LARGE1: variants seen among roughly 807,000 people sequenced by gnomAD.
LARGE1 encodes the protein LARGE xylosyl- and glucuronyltransferase 1.
In LARGE1, 43 loss-of-function variants were observed where a neutral mutation model predicts 87.6. The ratio of observed to expected loss-of-function variants is 0.49; its 90% CI spans 0.38 to 0.63. The LOEUF (loss-of-function observed/expected upper bound fraction) is 0.63. Among genes scored for constraint, LARGE1 ranks in the 30% least tolerant of loss-of-function variants. The probability of loss-of-function intolerance (pLI) is 0.00; values close to 1 mark genes in which losing one functional copy is unlikely to be tolerated. For missense variants in LARGE1, 802 were observed against 1,000.2 expected (o/e 0.80, Z 2.67); for synonymous variants, 434 against 394.6 (o/e 1.10, Z -1.18).
intron 1 of LARGE1, among the ~76,000 whole-genome samples, chr22:33,808,503 G>A (rs968316831): frequency 1.3e-5 from 2 of 152,182 alleles, no homozygotes; most frequent in Non-Finnish European, 1.5e-5. Flanking sequence ...GGGAAATCCA[G>A]ATAGTAAGTC....
chr22:33,547,527 G>A (rs2077395503), intron 6 of LARGE1, among the ~76,000 whole-genome samples: 1 of 152,084 alleles, frequency 6.6e-6, no homozygotes, highest in African/African-American at 2.4e-5. Context: ...ACGTTCTCAT[G>A]GCTCACGCCT....
intron 4 of LARGE1, among the ~76,000 whole-genome samples, chr22:33,607,211 T>C (rs1399177501): frequency 6.6e-6 from 1 of 152,074 alleles, no homozygotes; most frequent in Middle Eastern, 3.2e-3. Flanking sequence ...CCCGTAATCC[T>C]AGCACTTTGG....
Position 33,848,112 on chromosome 22 carries a change from A to G in LARGE1, c.-83+71883T>C, listed in dbSNP as rs1220591907. ...TTAATAGTTCCATGAAAGAAGCCAG[A>G]GACGTGAGCAATCAAAACTAAATCA... is the stretch of plus-strand genomic sequence containing the variant. On this transcript the variant is annotated intron_variant, in intron 1 of 14. Coordinates refer to ENST00000397394, the MANE Select transcript of LARGE1 (RefSeq NM_133642.5). Among the ~76,000 whole-genome samples, 4 of 152,374 alleles carry G rather than the reference A, an allele frequency of 2.6e-5. No homozygotes were observed. In the East Asian group the frequency reaches 5.8e-4, roughly 22 times the overall value.
intron 5 of LARGE1, among the ~76,000 whole-genome samples, chr22:33,589,825 A>ATT (rs781714505): frequency 3.3e-5 from 5 of 152,188 alleles, no homozygotes; most frequent in Non-Finnish European, 5.9e-5. Context: ...TTTGGATTAA[A>ATT]TAGCATTTAG....
chr22:33,643,483 A>G (rs1303910413), intron 3 of LARGE1, among the ~76,000 whole-genome samples: 1 of 152,246 alleles, frequency 6.6e-6, no homozygotes, highest in Non-Finnish European at 1.5e-5. Context: ...CTAGAGAAGC[A>G]AGAGCAAACA....
chr22:33,311,386 G>A (rs1482076585), intron 11 of LARGE1, among the ~76,000 whole-genome samples: 6 of 152,196 alleles, frequency 3.9e-5, no homozygotes, highest in Non-Finnish European at 7.3e-5. Context: ...ACAGAAGGAT[G>A]GGTTTGAGCT....
the LARGE1 span, among the ~76,000 whole-genome samples, chr22:33,080,639 T>G: frequency 6.6e-6 from 1 of 152,208 alleles, no homozygotes; most frequent in African/African-American, 2.4e-5. Flanking sequence ...TGAACAGCTC[T>G]AATGACTAAT....
intron 1 of LARGE1, among the ~76,000 whole-genome samples, chr22:33,807,014 A>G (rs2086333564): frequency 6.6e-6 from 1 of 152,118 alleles, no homozygotes; most frequent in Non-Finnish European, 1.5e-5. Flanking sequence ...GTCTCAAAAA[A>G]AAAAATCCTC....
At chr22:33,416,218 A>G (rs1363097102) in intron 7 of LARGE1, among the ~76,000 whole-genome samples, 1 of 152,136 alleles carries the variant, frequency 6.6e-6, no homozygotes, top group African/African-American at 2.4e-5. Flanking sequence ...CTCCTCCTAC[A>G]TTGGGCACAT....
chr22:33,150,606 T>C, the LARGE1 span, among the ~76,000 whole-genome samples: 1 of 152,246 alleles, frequency 6.6e-6, no homozygotes, highest in Non-Finnish European at 1.5e-5. Context: ...AGATCTATCA[T>C]TCATTTTTAG....
intron 1 of LARGE1, among the ~76,000 whole-genome samples, chr22:33,803,288 T>A (rs74557132): frequency 0.018 from 2,789 of 152,228 alleles, 75 homozygotes; most frequent in African/African-American, 0.063. Context: ...AGACTTCATC[T>A]CTGTAGCTTC....
chr22:33,564,424 A>G (rs1476288908), intron 6 of LARGE1, among the ~76,000 whole-genome samples: 2 of 152,202 alleles, frequency 1.3e-5, no homozygotes, highest in Admixed American at 6.5e-5. Context: ...ATGATAAACC[A>G]CAACGTTAAT....
chr22:33,712,637 AGTGTGTGTGTGTGTGTGTGTGT>A (rs34754283), intron 2 of LARGE1, among the ~76,000 whole-genome samples: 12 of 134,736 alleles, frequency 8.9e-5, no homozygotes, highest in South Asian at 2.6e-4. Flanking sequence ...TGAGGGGTAC[AGTGTGTGTGTGTGTGTGTGTGT>A]GTGTGTGTGT....
rs746759368 is a variant in LARGE1, at chr22:33,283,190, A to G, written c.1877+12T>C. ...CGAGCACCCCCAGAGTACAGCAGCT[A>G]GAGCCACTCACCTGAATGTGAAGAG... On this transcript the variant is annotated intron_variant, in intron 13 of 14. Transcript: ENST00000397394. The G allele has an allele frequency of 2.5e-6, 4 of 1,614,082 alleles. No homozygotes were observed. Among genetic ancestry groups the G allele is most frequent in the Non-Finnish European group, 2.5e-6 (3 of 1,180,034 alleles).
chr22:33,496,336 T>C (rs1319323366), intron 6 of LARGE1, among the ~76,000 whole-genome samples: 1 of 152,094 alleles, frequency 6.6e-6, no homozygotes, highest in Non-Finnish European at 1.5e-5. Flanking sequence ...TTTCCATTCT[T>C]CAATCCAATC....
chr22:33,389,847 AAACCAACCAACCAACC>A (rs143324200), intron 7 of LARGE1, among the ~76,000 whole-genome samples: 18,932 of 140,038 alleles, frequency 0.14, 2,256 homozygotes, highest in African/African-American at 0.35. Flanking sequence ...TCAGTCTCAA[AAACCAACCAACCAACC>A]AACCAACCAA....
At chr22:33,675,294 A>AAAAAAAAAAAAAAAAAAAAAAAAC (rs2081539609) in intron 2 of LARGE1, among the ~76,000 whole-genome samples, 1 of 109,438 alleles carries the variant, frequency 9.1e-6, no homozygotes, top group African/African-American at 3.3e-5. Context: ...AACTCCATCA[A>AAAAAAAAAAAAAAAAAAAAAAAAC]AAAAAAAAAA....
intron 1 of LARGE1, among the ~76,000 whole-genome samples, chr22:33,774,328 A>C (rs1409885551): frequency 6.6e-6 from 1 of 151,480 alleles, no homozygotes; most frequent in Non-Finnish European, 1.5e-5. Flanking sequence ...GGGTTAAAAA[A>C]AATAGGAGAC....
chr22:33,187,103 TA>T (rs1366782161), intron 11 of LARGE1, among the ~76,000 whole-genome samples: 13 of 152,258 alleles, frequency 8.5e-5, no homozygotes, highest in Admixed American at 5.9e-4. Flanking sequence ...ACACTAAAAT[TA>T]GAACTACCAT....
Sources: allele counts gnomAD v4.1 joint callset (sites outside exome capture counted in the v4.1 genomes callset), GRCh38; gene constraint gnomAD v4.1.1; transcripts MANE v1.5; gene names NCBI Gene and HGNC (gene_info 2026-07-23, HGNC 2026-07-21).